The following SCAF1 variants were observed in gnomAD, a reference collection of about 807,000 sequenced individuals.
SCAF1 encodes the protein splicing factor, arginine/serine-rich 19.
A neutral mutation model predicts 91.2 loss-of-function variants in SCAF1; 28 were observed. The ratio of observed to expected loss-of-function variants is 0.31; its 90% confidence interval spans 0.23 to 0.42. SCAF1 has a LOEUF of 0.42. SCAF1 is among the 10% of genes least tolerant of loss of function. The pLI is 1.00. For missense variants in SCAF1, 1,893 were observed against 1,872.1 expected, an observed-to-expected ratio of 1.01 and a Z score of -0.21; for synonymous variants, 1,036 against 833.7, an observed-to-expected ratio of 1.24 and a Z score of -4.18.
At chr19:49,654,293 G>A in intron 7 of SCAF1, 56 bp from the exon 8 acceptor site, 1 of 1,492,076 alleles carries the variant, frequency 6.7e-7, no homozygotes, top group Admixed American at 1.7e-5. Context: ...AGGTTCACCA[G>A]CTCCTGTCCT....
chr19:49,652,782 C>A lies in SCAF1; in HGVS notation c.2393C>A (p.Pro798His). Reference protein sequence around the residue: ...RDRSSKKARPPKESAPSSGPP... With the variant: ...RDRSSKKARPHKESAPSSGPP... The stretch of plus-strand genomic sequence containing the variant: ...AGGTCATCCAAGAAGGCCCGGCCCC[C>A]CAAGGAGTCGGCGCCTTCCTCAGGG... The change falls in exon 7 of 11, where the codon CCC becomes CAC. Residue 798 changes from proline (P) to histidine (H), a missense_variant. Coordinates refer to ENST00000360565, the MANE Select transcript of SCAF1 (RefSeq NM_021228.3). 1.2e-6 allele frequency: 2 copies of A among 1,613,438 alleles called. No homozygotes were observed. The highest frequency in any genetic ancestry group is 1.7e-6 in the Non-Finnish European group (2 of 1,179,830).
At position 49,653,034 on chromosome 19, in the gene SCAF1, G is replaced by C. The variant is rs1274821025; in HGVS notation, c.2645G>C (p.Arg882Pro). 1.9e-6 allele frequency: 3 copies of C among 1,613,866 alleles called. No homozygotes were observed. Among genetic ancestry groups the C allele is most frequent in the Non-Finnish European group, 2.5e-6 (3 of 1,180,038 alleles). Residue 882 changes from arginine to proline, a missense_variant, in exon 7 of 11, where the codon CGG becomes CCG. Arg to Pro is a moderately radical substitution (Grantham distance 103, BLOSUM62 -2). This residue lies in a region of SCAF1 where 1,436 missense variants were observed against 1,306.8 expected (regional missense o/e 1.10). Transcript: ENST00000360565. ...SRSPFLKPDE[R>P]APTEMAKAAP... The stretch of plus-strand genomic sequence containing the variant: ...TCCCCCTTCCTCAAACCTGACGAGC[G>C]GGCCCCCACTGAGATGGCCAAAGCA...
rs951778632 is a variant in SCAF1, at chr19:49,653,451, C to T, written c.3062C>T (p.Ala1021Val). The T allele has an allele frequency of 5.7e-5, 88 of 1,537,428 alleles. No homozygotes were observed. The highest frequency in any genetic ancestry group is 1.1e-4 in the South Asian group (9 of 79,810). The stretch of plus-strand genomic sequence containing the variant: ...GAGGAGGCTGGGGTCCGAGGTGGGG[C>T]GGAGGAGGAGGAGGAGGAAGAAGAA... ...ATEEAGVRGG[A>V]EEEEEEEEEE... The change falls in exon 7 of 11, where the codon GCG becomes GTG. Residue 1021 changes from alanine (A) to valine (V), a missense_variant. Transcript: ENST00000360565.
In SCAF1 at chr19:49,651,827, C is replaced by T. The variant is rs1401222901; in HGVS notation, c.1438C>T (p.Leu480=). The T allele has an allele frequency of 7.2e-6, 9 of 1,255,048 alleles. No homozygotes were observed. Among genetic ancestry groups the T allele is most frequent in the South Asian group, 6.6e-5 (3 of 45,684 alleles). 77.7% of individuals were successfully genotyped at this position (1,255,048 alleles called of 1,614,324 possible). The change falls in exon 7 of 11, where the codon CTG becomes TTG. Residue 480 remains leucine, a synonymous_variant. Transcript: ENST00000360565. ...PPAADSRWGG[L]DLRRKILTQR... is the part of the protein sequence containing the mutation. ...CGCCGCCGACTCGCGCTGGGGCGGCCTGGACCTGCGCCGCAAGATCCTGAC... is the reference window on the plus strand; with the variant it reads ...CGCCGCCGACTCGCGCTGGGGCGGCTTGGACCTGCGCCGCAAGATCCTGAC...
Position 49,645,424 on chromosome 19 carries a change from C to T in SCAF1, c.166+13C>T. 6.2e-7 allele frequency: 1 copy of T among 1,612,098 alleles called. No individual in the cohort carries two copies. The highest frequency in any genetic ancestry group is 2.2e-5 in the East Asian group (1 of 44,842). On this transcript the variant is annotated intron_variant, in intron 3 of 10. Transcript: ENST00000360565. The surrounding 1 kb of genome is among the most constrained non-coding windows in gnomAD (Gnocchi z 4.6). ...CCCAATGATAAAGGTATGGCGGCTTCCGGTTCCTTTTAGCCCCTGCCCCCT... is the reference window on the plus strand; with the variant it reads ...CCCAATGATAAAGGTATGGCGGCTTTCGGTTCCTTTTAGCCCCTGCCCCCT...
At chr19:49,650,492 C>T (rs895280066) in intron 6 of SCAF1, among the ~76,000 whole-genome samples, 8 of 152,088 alleles carry the variant, frequency 5.3e-5, no homozygotes, top group South Asian at 4.1e-4. Flanking sequence ...TGGGATGGGT[C>T]GCCGGCACTG....
chr19:49,644,032 G>A (rs894538680), intron 1 of SCAF1, among the ~76,000 whole-genome samples: 1 of 152,156 alleles, frequency 6.6e-6, no homozygotes, highest in African/African-American at 2.4e-5. Context: ...AGCACTTGAG[G>A]TGCTCTAAAT....
At chr19:49,644,869 A>G in intron 1 of SCAF1, 152 bp from the exon 2 acceptor site, 1 of 607,212 alleles carries the variant, frequency 1.6e-6, no homozygotes, top group African/African-American at 1.9e-5. Context: ...ACCCAAGCAC[A>G]GGGTGGAGTG....
chr19:49,657,190 T>C (rs988195185), intron 9 of SCAF1, among the ~76,000 whole-genome samples: 1 of 152,088 alleles, frequency 6.6e-6, no homozygotes, highest in Non-Finnish European at 1.5e-5. Flanking sequence ...ACAAAAAGGT[T>C]TGGCTGAGCA....
chr19:49,654,020 G>C (rs1239980422), intron 7 of SCAF1, among the ~76,000 whole-genome samples: 1 of 152,172 alleles, frequency 6.6e-6, no homozygotes, highest in Admixed American at 6.5e-5. Flanking sequence ...CTTACGGATG[G>C]CGGTTGCCTC....
At position 49,646,084 on chromosome 19, in the gene SCAF1, T is replaced by TC; in HGVS notation, c.167-19dup. The TC allele has an allele frequency of 6.2e-7, 1 of 1,603,138 alleles. No homozygotes were observed. Among genetic ancestry groups the TC allele is most frequent in the Non-Finnish European group, 8.5e-7 (1 of 1,172,502 alleles). On this transcript the variant is annotated intron_variant, in intron 3 of 10. Coordinates refer to ENST00000360565, the MANE Select transcript of SCAF1 (RefSeq NM_021228.3). This position sits in a 1 kb window ranked among gnomAD's most constrained non-coding sequence, Gnocchi z 5.6. Reference sequence around the variant, plus strand: ...TCTGCAGCAAGTCCCCTGTGTCCAATCCCCCATGCAAATCTCTCACCAGAT... The same window carrying TC: ...TCTGCAGCAAGTCCCCTGTGTCCAATCCCCCCATGCAAATCTCTCACCAGAT...
At position 49,652,971 on chromosome 19, in the gene SCAF1, C is replaced by T. The variant is rs1374258728; in HGVS notation, c.2582C>T (p.Ser861Phe). 6.2e-7 allele frequency: 1 copy of T among 1,613,954 alleles called. No individual in the cohort carries two copies. Among genetic ancestry groups the T allele is most frequent in the South Asian group, 1.1e-5 (1 of 91,082 alleles). The change falls in exon 7 of 11, where the codon TCC becomes TTC. Residue 861 changes from serine to phenylalanine, a missense_variant. By Grantham distance (155) the Ser-to-Phe change is radical (BLOSUM62 -2). Coordinates refer to ENST00000360565, the MANE Select transcript of SCAF1 (RefSeq NM_021228.3). The part of the protein sequence containing the change: ...AKDAASAGLG[S>F]IGVKFSRDRE... ...GATGCCGCGTCAGCCGGCCTGGGCTCCATTGGCGTCAAATTCAGCCGTGAC... is the reference window on the plus strand; with the variant it reads ...GATGCCGCGTCAGCCGGCCTGGGCTTCATTGGCGTCAAATTCAGCCGTGAC...
At chr19:49,641,448 C>T (rs770852397), upstream of SCAF1, among the ~76,000 whole-genome samples, 3 of 152,316 alleles carry the variant, frequency 2.0e-5, no homozygotes, top group South Asian at 2.1e-4. Flanking sequence ...TCCCGAGTAG[C>T]TGGGATTACA....
Position 49,652,966 on chromosome 19 carries a change from G to C in SCAF1, c.2577G>C (p.Leu859=). Residue 859 remains leucine (L), a synonymous_variant, in exon 7 of 11, where the codon CTG becomes CTC. Transcript: ENST00000360565. ...CCAAGGATGCCGCGTCAGCCGGCCT[G>C]GGCTCCATTGGCGTCAAATTCAGCC... The part of the protein sequence containing the change: ...TPAKDAASAG[L]GSIGVKFSRD... 6.2e-7 allele frequency: 1 copy of C among 1,613,946 alleles called. No homozygotes were observed. The highest frequency in any genetic ancestry group is 8.5e-7 in the Non-Finnish European group (1 of 1,180,016).
Position 49,651,121 on chromosome 19 carries a change from G to A in SCAF1, c.732G>A (p.Pro244=), listed in dbSNP as rs756193853. ...AGGCCTACTCTCCACCGCCTGCTCCGGAGCAAAAGTACGACCCTTTTGAGC... is the reference window on the plus strand; with the variant it reads ...AGGCCTACTCTCCACCGCCTGCTCCAGAGCAAAAGTACGACCCTTTTGAGC... ...TDEAYSPPPA[P]EQKYDPFEPT... The change falls in exon 7 of 11, where the codon CCG becomes CCA. Residue 244 remains proline, a synonymous_variant. Transcript: ENST00000360565. The A allele has an allele frequency of 1.9e-6, 3 of 1,609,726 alleles. No homozygotes were observed. The highest frequency in any genetic ancestry group is 3.4e-5 in the Admixed American group (2 of 59,462).
intron 1 of SCAF1, among the ~76,000 whole-genome samples, chr19:49,643,875 C>T (rs931338187): frequency 3.3e-5 from 5 of 152,130 alleles, no homozygotes; most frequent in African/African-American, 4.8e-5. Context: ...AATATGGAGG[C>T]TTGGCATGGT....
At position 49,651,997 on chromosome 19, in the gene SCAF1, G is replaced by A; in HGVS notation, c.1608G>A (p.Ser536=). 1 of 1,195,984 alleles carries A rather than the reference G, an allele frequency of 8.4e-7. No homozygotes were observed. The highest frequency in any genetic ancestry group is 1.0e-6 in the Non-Finnish European group (1 of 956,122). The allele number at this position is 1,195,984 out of a possible 1,614,324, so 74.1% of individuals were successfully genotyped here. A position where few individuals can be genotyped will look rare whatever the true frequency, so the allele number is the denominator to read the frequency against. The part of the protein sequence containing the change: ...SGEAKEAASS[S]SGTQPAPPAP... ...AGGCCAAGGAGGCCGCCTCGTCCTC[G>A]TCGGGCACCCAGCCAGCGCCGCCCG... The change falls in exon 7 of 11, where the codon TCG becomes TCA. Residue 536 remains serine (S), a synonymous_variant. Transcript: ENST00000360565.
intron 9 of SCAF1, 38 bp downstream of exon 9, chr19:49,654,908 G>C: frequency 6.9e-7 from 1 of 1,451,376 alleles, no homozygotes; most frequent in South Asian, 1.3e-5. Context: ...GGTGCTGACA[G>C]TTCTGTAGAG....
At chr19:49,641,574 C>G (rs774179620), upstream of SCAF1, among the ~76,000 whole-genome samples, 1 of 152,202 alleles carries the variant, frequency 6.6e-6, no homozygotes, top group East Asian at 1.9e-4. Context: ...GCTTCGGCCT[C>G]CCAAAGTGCT....
Sources: allele counts gnomAD v4.1 joint callset (sites outside exome capture counted in the v4.1 genomes callset), GRCh38; gene constraint gnomAD v4.1.1; regional missense constraint gnomAD v4.1.1; non-coding constraint Gnocchi (gnomAD v3.1); transcripts MANE v1.5; gene names NCBI Gene and HGNC (gene_info 2026-07-23, HGNC 2026-07-21).